Variants in SDHA observed in about 807,000 individuals in gnomAD.
SDHA encodes the protein succinate dehydrogenase complex flavoprotein subunit A, also known as succinate dehydrogenase [ubiquinone] flavoprotein subunit, mitochondrial.
In SDHA, 48 loss-of-function variants were observed where a neutral mutation model predicts 78.4. That is an observed-to-expected ratio of 0.61 (90% CI 0.49 to 0.78). The LOEUF is 0.78. Ranked by LOEUF, SDHA falls within the 30% of genes least tolerant of loss-of-function variation. The pLI, the probability that SDHA is intolerant of heterozygous loss-of-function variation, is 0.00. For synonymous variants in SDHA, 326 were observed against 353.9 expected (o/e 0.92, Z 0.88); for missense variants, 680 against 892.7 (o/e 0.76, Z 3.04).
At chr5:258,385 G>GC (rs1378239404), downstream of SDHA, among the ~76,000 whole-genome samples, 1 of 105,752 alleles carries the variant, frequency 9.5e-6, no homozygotes, top group African/African-American at 5.1e-5. Context: ...CGTGAGCTCC[G>GC]CCCCCTGCCA....
In SDHA at chr5:228,201, C is replaced by T. The variant is rs766421069; in HGVS notation, c.638C>T (p.Thr213Ile). Reference protein sequence around the residue: ...TLYGRSLRYDTSYFVEYFALD... With the variant: ...TLYGRSLRYDISYFVEYFALD... ...TTCTTTTAGTCTCTGCGATATGATACCAGCTATTTTGTGGAGTATTTTGCC... is the reference window on the plus strand; with the variant it reads ...TTCTTTTAGTCTCTGCGATATGATATCAGCTATTTTGTGGAGTATTTTGCC... The change falls in exon 6 of 15, where the codon ACC (threonine) becomes ATC (isoleucine). Residue 213 changes from threonine (T) to isoleucine (I), a missense_variant. By Grantham distance (89) the Thr-to-Ile change is moderately conservative. Coordinates refer to ENST00000264932, the MANE Select transcript of SDHA (RefSeq NM_004168.4). The T allele has an allele frequency of 6.2e-7, 1 of 1,613,736 alleles. No homozygotes were observed. Among genetic ancestry groups the T allele is most frequent in the East Asian group, 2.2e-5 (1 of 44,880 alleles).
At chr5:258,398 G>C (rs1359525549), downstream of SDHA, among the ~76,000 whole-genome samples, 1 of 128,398 alleles carries the variant, frequency 7.8e-6, no homozygotes, top group Non-Finnish European at 1.5e-5. Flanking sequence ...CCCTGCCAGA[G>C]CATTACCGTT....
intron 5 of SDHA, 127 bp downstream of exon 5, chr5:226,174 C>T (rs751451425): frequency 3.2e-5 from 34 of 1,063,742 alleles, no homozygotes; most frequent in African/African-American, 4.8e-5. Context: ...AGAACAGCAG[C>T]GTGGGGCGCA....
At chr5:254,638 A>T in intron 14 of SDHA, 132 bp downstream of exon 14, 4 of 1,420,152 alleles carry the variant, frequency 2.8e-6, no homozygotes, top group Non-Finnish European at 3.8e-6. Flanking sequence ...GATTCGAGGC[A>T]CCGCTGAAAA....
intron 1 of SDHA, among the ~76,000 whole-genome samples, chr5:219,813 A>G (rs1579373046): frequency 6.6e-6 from 1 of 152,168 alleles, no homozygotes; most frequent in South Asian, 2.1e-4. Context: ...TCTGCAGACT[A>G]AGACCCTGCC....
At chr5:231,050 T>C (rs373546005) in intron 7 of SDHA, 50 bp downstream of exon 7, 1 of 1,608,270 alleles carries the variant, frequency 6.2e-7, no homozygotes, top group Non-Finnish European at 8.5e-7. Flanking sequence ...GTGTGTCTTG[T>C]AAGCATGTGA....
chr5:240,185 A>G (rs1736051110), intron 10 of SDHA, among the ~76,000 whole-genome samples, 173 bp from the exon 11 acceptor site: 1 of 152,170 alleles, frequency 6.6e-6, no homozygotes, highest in Non-Finnish European at 1.5e-5. Flanking sequence ...ATTGGCCCCA[A>G]CTCAACAGAT....
At chr5:255,509 T>C (rs1163865465) in intron 14 of SDHA, among the ~76,000 whole-genome samples, 5 of 152,084 alleles carry the variant, frequency 3.3e-5, no homozygotes, top group African/African-American at 2.4e-5. Flanking sequence ...CAGGCTGATA[T>C]GTGTTGGCTT....
intron 11 of SDHA, among the ~76,000 whole-genome samples, chr5:244,389 A>ATTG (rs1311625221): frequency 6.6e-6 from 1 of 152,052 alleles, no homozygotes; most frequent in Non-Finnish European, 1.5e-5. Context: ...GGAAATTCAA[A>ATTG]TTGTTACATC....
At chr5:252,292 TAAC>T (rs1252420246) in intron 13 of SDHA, among the ~76,000 whole-genome samples, 3 of 121,540 alleles carry the variant, frequency 2.5e-5, no homozygotes, top group Non-Finnish European at 4.8e-5. Flanking sequence ...GTTTATTAAA[TAAC>T]GAGTAAGCCA....
At chr5:257,769 T>C (rs558828937), downstream of SDHA, among the ~76,000 whole-genome samples, 5 of 87,242 alleles carry the variant, frequency 5.7e-5, no homozygotes, top group East Asian at 3.2e-4. Context: ...GCTCCGCCCC[T>C]GCCAGAGCAT....
intron 1 of SDHA, among the ~76,000 whole-genome samples, chr5:222,107 C>T (rs1036974076): frequency 7.9e-5 from 12 of 151,822 alleles, no homozygotes; most frequent in African/African-American, 2.9e-4. Context: ...ATGATTTTAC[C>T]ATGCAAAAAT....
At chr5:222,068 A>G (rs562238353) in intron 1 of SDHA, among the ~76,000 whole-genome samples, 1 of 152,320 alleles carries the variant, frequency 6.6e-6, no homozygotes, top group East Asian at 1.9e-4. Flanking sequence ...TTTGTATTAA[A>G]ATTATTTCAA....
At chr5:218,541 C>T in intron 1 of SDHA, 123 bp downstream of exon 1, 1 of 756,140 alleles carries the variant, frequency 1.3e-6, no homozygotes. Context: ...GTCCCGGGAT[C>T]GGGAAGGGGC....
chr5:249,687 G>C (rs1736692969), intron 11 of SDHA: 1 of 152,272 alleles, frequency 6.6e-6, no homozygotes, highest in African/African-American at 2.4e-5. Context: ...AGCTCTGAAG[G>C]CTGTAAGACC....
At chr5:223,716 A>G (rs917093355) in intron 2 of SDHA, 148 bp downstream of exon 2, 5 of 672,732 alleles carry the variant, frequency 7.4e-6, no homozygotes, top group African/African-American at 7.2e-5. Flanking sequence ...TTTCAGTGTA[A>G]TAATACTTAA....
At chr5:257,708 C>G (rs1187378030), downstream of SDHA, among the ~76,000 whole-genome samples, 35 of 110,084 alleles carry the variant, frequency 3.2e-4, no homozygotes, top group Non-Finnish European at 6.8e-5. Context: ...CTCCGCCTCC[C>G]GACAGCATTA....
chr5:249,658 A>G (rs2126628579), intron 11 of SDHA: 2 of 152,410 alleles, frequency 1.3e-5, no homozygotes, highest in South Asian at 2.1e-4. Flanking sequence ...ATGTGGGTAA[A>G]TCTCTGTTCA....
At chr5:255,286 T>C (rs1223878152) in intron 14 of SDHA, among the ~76,000 whole-genome samples, 1 of 151,896 alleles carries the variant, frequency 6.6e-6, no homozygotes, top group African/African-American at 2.4e-5. Context: ...CTTAGCTGTG[T>C]CTGTGGAAGT....
Sources: allele counts gnomAD v4.1 joint callset (sites outside exome capture counted in the v4.1 genomes callset), GRCh38; gene constraint gnomAD v4.1.1; transcripts MANE v1.5; gene names NCBI Gene and HGNC (gene_info 2026-07-23, HGNC 2026-07-21).